The following PAN2 variants were observed in gnomAD, a reference collection of about 807,000 sequenced individuals.
PAN2 encodes poly(A) specific ribonuclease subunit PAN2, also known as PAN2-PAN3 deadenylation complex catalytic subunit PAN2.
A neutral mutation model predicts 133.3 loss-of-function variants in PAN2; 68 were observed. The observed-to-expected ratio is 0.51, with a 90% CI of 0.42 to 0.62. PAN2 has a LOEUF of 0.62. Among genes scored for constraint, PAN2 ranks in the 20% least tolerant of loss-of-function variants. The pLI is 0.00. For missense variants in PAN2, 1,042 were observed against 1,500.5 expected (o/e 0.69, Z 5.05); for synonymous variants, 462 against 544.6 (o/e 0.85, Z 2.11).
rs565342531 is a variant in PAN2 at position 56,329,012 on chromosome 12, A to C, written c.283-371T>G. ...TTTCACATCTGGGAGGATGTGCATA[A>C]GGTTATATGCAAATACTATATCATT... On this transcript the variant is annotated intron_variant, in intron 2 of 25. Coordinates refer to ENST00000440411, the MANE Select transcript of PAN2 (RefSeq NM_014871.6). 2.6e-5 allele frequency among the ~76,000 whole-genome samples: 4 copies of C among 152,298 alleles called. No individual in the cohort carries two copies. The South Asian group carries it at 6.2e-4, about 24-fold the overall frequency.
rs74770966 is a variant in PAN2, at chr12:56,325,528, T to C, written c.1360-74A>G. On this transcript the variant is annotated intron_variant, in intron 8 of 25. Coordinates refer to ENST00000440411, the MANE Select transcript of PAN2 (RefSeq NM_014871.6). ...GGCTTCACACTCATTTATCCCAACA[T>C]TGAAACAGCCACCAAGTCCTGAACC... is the stretch of plus-strand genomic sequence containing the variant. 2,770 of 1,543,496 alleles carry C rather than the reference T, an allele frequency of 1.8e-3. 8 individuals are homozygous for C. The highest frequency in any genetic ancestry group is 9.1e-3 in the East Asian group (405 of 44,352).
chr12:56,325,206 A>G, intron 9 of PAN2, 78 bp from the exon 10 acceptor site: 1 of 1,581,558 alleles, frequency 6.3e-7, no homozygotes. Flanking sequence ...AGCCTTTCCT[A>G]GAGCCTTCCT....
chr12:56,328,606 C>T lies in PAN2; in HGVS notation c.318G>A (p.Glu106=), dbSNP rs1426326577. 2 of 1,614,074 alleles carry T rather than the reference C, an allele frequency of 1.2e-6. No homozygotes were observed. The highest frequency in any genetic ancestry group is 1.1e-5 in the South Asian group (1 of 91,090). The change falls in exon 3 of 26, where the codon GAG becomes GAA. Residue 106 remains glutamate, a synonymous_variant. Coordinates refer to ENST00000440411, the MANE Select transcript of PAN2 (RefSeq NM_014871.6). The part of the protein sequence containing the change: ...HATSFFGPAL[E]RYSSFQVNGS... ...CATTGACTTGAAAGGATGAGTAGCG[C>T]TCCAAGGCTGGGCCAAAAAATGAAG... is the stretch of plus-strand genomic sequence containing the variant.
At chr12:56,333,838 T>C (rs1210641586) in intron 1 of PAN2, 24 bp downstream of exon 1, 1 of 152,164 alleles carries the variant, frequency 6.6e-6, no homozygotes, top group African/African-American at 2.4e-5. Flanking sequence ...GTTCCTGGGA[T>C]GCTTACGGGG....
At chr12:56,318,842 AC>A (rs1874190348) in intron 24 of PAN2, among the ~76,000 whole-genome samples, 1 of 151,622 alleles carries the variant, frequency 6.6e-6, no homozygotes, top group African/African-American at 2.4e-5. Flanking sequence ...TTCAACCCTC[AC>A]CCCTCACCCA....
At chr12:56,321,544 TAAA>T (rs11300464) in intron 20 of PAN2, among the ~76,000 whole-genome samples, 4 of 138,844 alleles carry the variant, frequency 2.9e-5, no homozygotes, top group Non-Finnish European at 3.1e-5. Flanking sequence ...CTAGGCTAAT[TAAA>T]AAAAAAAAAA....
chr12:56,324,155 A>G lies in PAN2; in HGVS notation c.1959T>C (p.Ile653=), dbSNP rs146217988. The change falls in exon 13 of 26, where the codon ATT becomes ATC. Residue 653 remains isoleucine, a synonymous_variant. Transcript: ENST00000440411. ...CCATCTCACAGCTGAAGAGCTGCCC[A>G]ATAACAGAGTCCCCCGATGAGCAAA... ...SSFCSSGDSV[I]GQLFSCEMEN... 3.1e-6 allele frequency: 5 copies of G among 1,614,090 alleles called. No homozygotes were observed. Among genetic ancestry groups the G allele is most frequent in the Non-Finnish European group, 3.4e-6 (4 of 1,180,038 alleles).
chr12:56,323,069 T>C lies in PAN2; in HGVS notation c.2486A>G (p.Glu829Gly). Residue 829 changes from glutamate to glycine, a missense_variant, in exon 17 of 26, where the codon GAG becomes GGG. This residue lies in a region of PAN2 where 908 missense variants were observed against 1,223.5 expected (regional missense o/e 0.74). Coordinates refer to ENST00000440411, the MANE Select transcript of PAN2 (RefSeq NM_014871.6). ...TCCCGGTTTTTCAACAACCTGCATC[T>C]CATCCCCATCAGTCCAATTGCAAAC... ...LDVCNWTDGD[E>G]MQWGPARAEE... The C allele has an allele frequency of 6.2e-7, 1 of 1,614,078 alleles. No homozygotes were observed. Among genetic ancestry groups the C allele is most frequent in the Non-Finnish European group, 8.5e-7 (1 of 1,180,036 alleles).
At chr12:56,331,497 T>C (rs1875835650) in intron 2 of PAN2, among the ~76,000 whole-genome samples, 1 of 152,152 alleles carries the variant, frequency 6.6e-6, no homozygotes, top group Non-Finnish European at 1.5e-5. Context: ...CATGAAATTA[T>C]CTGGTTTTGT....
chr12:56,332,753 T>G (rs1482987290), intron 2 of PAN2, 60 bp downstream of exon 2: 1 of 1,559,088 alleles, frequency 6.4e-7, no homozygotes, highest in Non-Finnish European at 8.8e-7. Context: ...CTTCCTTGGG[T>G]TAAGACCAGA....
chr12:56,328,355 CAGCCT>C lies in PAN2; in HGVS notation c.453-2_455del. The stretch of plus-strand genomic sequence containing the variant: ...GACTGTGCATATCCTCATTCTCATC[CAGCCT>C]GGTGGGGAGAGGAAAGGCTAAGGGG... On this transcript the variant is annotated splice_acceptor_variant and coding_sequence_variant, in exon 4 of 26. Coordinates refer to ENST00000440411, the MANE Select transcript of PAN2 (RefSeq NM_014871.6). LOFTEE classifies it high-confidence loss of function. 6.3e-7 allele frequency: 1 copy of C among 1,596,072 alleles called. No homozygotes were observed. The highest frequency in any genetic ancestry group is 8.5e-7 in the Non-Finnish European group (1 of 1,170,086).
rs773127709 is a variant in PAN2 at position 56,325,427 on chromosome 12, T to C, written c.1387A>G (p.Ser463Gly). The change falls in exon 9 of 26, where the codon AGT becomes GGT. Residue 463 changes from serine to glycine, a missense_variant. Coordinates refer to ENST00000440411, the MANE Select transcript of PAN2 (RefSeq NM_014871.6). Reference sequence around the variant, plus strand: ...ACCTGGCTGAAGCTGTCAAATTCACTGTCTGACTCCTTGAGTCTGTAGGGT... The same window carrying C: ...ACCTGGCTGAAGCTGTCAAATTCACCGTCTGACTCCTTGAGTCTGTAGGGT... ...QIPYRLKESD[S>G]EFDSFSQVTE... is the part of the protein sequence containing the mutation. 4 of 1,614,084 alleles carry C rather than the reference T, an allele frequency of 2.5e-6. No individual in the cohort carries two copies. Among genetic ancestry groups the C allele is most frequent in the Admixed American group, 1.7e-5 (1 of 60,010 alleles).
chr12:56,318,158 C>T, intron 25 of PAN2, 79 bp downstream of exon 25: 1 of 1,209,550 alleles, frequency 8.3e-7, no homozygotes, highest in South Asian at 1.3e-5. Flanking sequence ...GCCTGGGTGA[C>T]AGAGTGAGAC....
Position 56,324,604 on chromosome 12 carries a change from G to T in PAN2, c.1705C>A (p.Leu569Ile). 2 of 1,614,040 alleles carry T rather than the reference G, an allele frequency of 1.2e-6. No individual in the cohort carries two copies. Among genetic ancestry groups the T allele is most frequent in the South Asian group, 1.1e-5 (1 of 91,060 alleles). ...ELGFLFHMLD[L>I]SRGDPCQGNN... is the part of the protein sequence containing the mutation. Reference sequence around the variant, plus strand: ...ACCTGGCAAGGGTCACCACGAGAGAGGTCCAACATGTGAAACAGGAAGCCC... The same window carrying T: ...ACCTGGCAAGGGTCACCACGAGAGATGTCCAACATGTGAAACAGGAAGCCC... Residue 569 changes from leucine (L) to isoleucine (I), a missense_variant, in exon 11 of 26, where the codon CTC becomes ATC. Leu to Ile is a conservative substitution (Grantham distance 5). Around this residue, in one of 3 missense-constraint regions of PAN2, gnomAD observed 908 missense variants for 1,223.5 expected, o/e 0.74. Transcript: ENST00000440411.
At chr12:56,320,297 A>C (rs1049018089) in intron 20 of PAN2, among the ~76,000 whole-genome samples, 1 of 152,176 alleles carries the variant, frequency 6.6e-6, no homozygotes, top group Non-Finnish European at 1.5e-5. Flanking sequence ...AATCCAGAAA[A>C]AGGTTACAGA....
At position 56,317,474 on chromosome 12, in the gene PAN2, C is replaced by A; in HGVS notation, c.*135G>T. On this transcript the variant is annotated 3_prime_UTR_variant, in exon 26 of 26. Coordinates refer to ENST00000440411, the MANE Select transcript of PAN2 (RefSeq NM_014871.6). The stretch of plus-strand genomic sequence containing the variant: ...CTGTGTTCCAGTTCAATTAATAGCA[C>A]CATCTGTGACCCTAGACCCTGAGCA... The A allele has an allele frequency of 1.4e-6, 1 of 705,684 alleles. No homozygotes were observed. The highest frequency in any genetic ancestry group is 2.5e-5 in the East Asian group (1 of 39,320). 43.7% of individuals were successfully genotyped at this position (705,684 alleles called of 1,614,324 possible).
intron 19 of PAN2, 43 bp from the exon 20 acceptor site, chr12:56,322,211 T>C: frequency 7.8e-7 from 1 of 1,288,236 alleles, no homozygotes; most frequent in Non-Finnish European, 1.1e-6. Flanking sequence ...TATATCACCC[T>C]TTTCCTTTTC....
In PAN2 at chr12:56,322,496, A is replaced by G. The variant is rs765770793; in HGVS notation, c.2638-14T>C. 2 of 1,613,626 alleles carry G rather than the reference A, an allele frequency of 1.2e-6. No individual in the cohort carries two copies. Among genetic ancestry groups the G allele is most frequent in the Non-Finnish European group, 1.7e-6 (2 of 1,179,490 alleles). Reference sequence around the variant, plus strand: ...GTGAGTAACGCCCTATGGAAATACAAAGAAAGCCTGTGGCGATACAAATTG... The same window carrying G: ...GTGAGTAACGCCCTATGGAAATACAGAGAAAGCCTGTGGCGATACAAATTG... On this transcript the variant is annotated splice_polypyrimidine_tract_variant and intron_variant, in intron 18 of 25. Transcript: ENST00000440411.
chr12:56,319,032 TAAATGGC>T lies in PAN2; in HGVS notation c.3364+49_3364+55del. Reference sequence around the variant, plus strand: ...GCAAAGAACATGATTTCTTTTTTTTTAAATGGCTGCTTCTGCTATTAATGTAGCAGGG... The same window carrying T: ...GCAAAGAACATGATTTCTTTTTTTTTTGCTTCTGCTATTAATGTAGCAGGG... On this transcript the variant is annotated intron_variant, in intron 24 of 25. Coordinates refer to ENST00000440411, the MANE Select transcript of PAN2 (RefSeq NM_014871.6). The surrounding 1 kb of genome is among the most constrained non-coding windows in gnomAD (Gnocchi z 5.4). 6.5e-7 allele frequency: 1 copy of T among 1,535,626 alleles called. No individual in the cohort carries two copies. The highest frequency in any genetic ancestry group is 9.0e-7 in the Non-Finnish European group (1 of 1,109,304).
Sources: allele counts gnomAD v4.1 joint callset (sites outside exome capture counted in the v4.1 genomes callset), GRCh38; gene constraint gnomAD v4.1.1; regional missense constraint gnomAD v4.1.1; non-coding constraint Gnocchi (gnomAD v3.1); transcripts MANE v1.5; gene names NCBI Gene and HGNC (gene_info 2026-07-23, HGNC 2026-07-21).